The following ZSCAN22 variants were observed in gnomAD, a reference collection of about 807,000 sequenced individuals.
ZSCAN22 encodes zinc finger and SCAN domain containing 22.
A neutral mutation model predicts 12.4 loss-of-function variants in ZSCAN22; 7 were observed. The observed-to-expected ratio is 0.57, with a 90% CI of 0.32 to 1.06. ZSCAN22 has a LOEUF of 1.06. ZSCAN22 is among the 50% of genes least tolerant of loss of function. The pLI, the probability that ZSCAN22 is intolerant of heterozygous loss-of-function variation, is 0.04. For missense variants in ZSCAN22, 576 were observed against 631.7 expected (o/e 0.91, Z 0.94); for synonymous variants, 243 against 255.9 (o/e 0.95, Z 0.48).
chr19:58,334,256 G>T (rs1304560255), intron 1 of ZSCAN22, among the ~76,000 whole-genome samples: 1 of 152,192 alleles, frequency 6.6e-6, no homozygotes, highest in African/African-American at 2.4e-5. Flanking sequence ...CTGAGTGTCT[G>T]TTTTTCCATC....
Position 58,335,211 on chromosome 19 carries a change from G to A in ZSCAN22, c.403+6G>A, listed in dbSNP as rs370480074. On this transcript the variant is annotated splice_donor_region_variant and intron_variant, in intron 2 of 2. Transcript: ENST00000329665. The surrounding 1 kb of genome is among the most constrained non-coding windows in gnomAD (Gnocchi z 4.1). ...TCAGGTGCTGGACAAGAGAGGTAAA[G>A]GGGCGCCGTGGGCAGCTTCACGGCA... 1.3e-6 allele frequency: 2 copies of A among 1,567,610 alleles called. No homozygotes were observed. The highest frequency in any genetic ancestry group is 1.7e-6 in the Non-Finnish European group (2 of 1,155,682).
At chr19:58,328,375 A>G (rs1177935261) in intron 1 of ZSCAN22, among the ~76,000 whole-genome samples, 1 of 152,148 alleles carries the variant, frequency 6.6e-6, no homozygotes, top group Non-Finnish European at 1.5e-5. Context: ...AAACTGAGTG[A>G]CTAGTGGTCA....
rs867640256 is a variant in ZSCAN22 at position 58,335,382 on chromosome 19, C to T, written c.403+177C>T. 1.3e-5 allele frequency among the ~76,000 whole-genome samples: 2 copies of T among 152,138 alleles called. No homozygotes were observed. The highest frequency in any genetic ancestry group is 2.9e-5 in the Non-Finnish European group (2 of 68,028). On this transcript the variant is annotated intron_variant, in intron 2 of 2. Coordinates refer to ENST00000329665, the MANE Select transcript of ZSCAN22 (RefSeq NM_181846.3). This position sits in a 1 kb window ranked among gnomAD's most constrained non-coding sequence, Gnocchi z 4.1. Reference sequence around the variant, plus strand: ...TGTTTTGGTTGCAGGTGACCAAAAGCGAGCTGAAATGGGCTGAAGCAAAGA... The same window carrying T: ...TGTTTTGGTTGCAGGTGACCAAAAGTGAGCTGAAATGGGCTGAAGCAAAGA...
intron 1 of ZSCAN22, among the ~76,000 whole-genome samples, chr19:58,334,157 A>T (rs2051760523): frequency 1.3e-5 from 2 of 152,202 alleles, no homozygotes; most frequent in South Asian, 4.1e-4. Context: ...CACGCCTTAA[A>T]CAGGCTGGCT....
Position 58,338,241 on chromosome 19 carries a change from C to T in ZSCAN22, c.404-13C>T, listed in dbSNP as rs371717783. The T allele has an allele frequency of 2.5e-5, 40 of 1,586,444 alleles. No individual in the cohort carries two copies. The highest frequency in any genetic ancestry group is 3.0e-5 in the Non-Finnish European group (35 of 1,162,120). On this transcript the variant is annotated splice_polypyrimidine_tract_variant and intron_variant, in intron 2 of 2. Transcript: ENST00000329665. The surrounding 1 kb of genome is among the most constrained non-coding windows in gnomAD (Gnocchi z 5.4). ...TGGTAGGAGGAGTGACAGTGTGGTT[C>T]GGACTGTTTCAGGATGGGATCCAGG...
At chr19:58,330,159 G>T (rs552241596) in intron 1 of ZSCAN22, among the ~76,000 whole-genome samples, 28 of 152,222 alleles carry the variant, frequency 1.8e-4, no homozygotes, top group African/African-American at 6.0e-4. Flanking sequence ...GTGTGGTGGT[G>T]GGTGCCTGTA....
At chr19:58,330,101 A>G (rs1568541042) in intron 1 of ZSCAN22, among the ~76,000 whole-genome samples, 3 of 152,176 alleles carry the variant, frequency 2.0e-5, no homozygotes, top group African/African-American at 7.2e-5. Flanking sequence ...ATCGTGGCTA[A>G]TACGGTGAAA....
In ZSCAN22 at chr19:58,338,703, G is replaced by A. The variant is rs1466613536; in HGVS notation, c.853G>A (p.Ala285Thr). The A allele has an allele frequency of 6.2e-7, 1 of 1,614,216 alleles. No homozygotes were observed. The highest frequency in any genetic ancestry group is 1.7e-5 in the Admixed American group (1 of 60,026). The change falls in exon 3 of 3, where the codon GCA (alanine) becomes ACA (threonine). Residue 285 changes from alanine (A) to threonine (T), a missense_variant. By Grantham distance (58) the Ala-to-Thr change is moderately conservative. Transcript: ENST00000329665. The surrounding 1 kb of genome is among the most constrained non-coding windows in gnomAD (Gnocchi z 5.4). Reference protein sequence around the residue: ...KMFQSASALEAHQKTHSRKTP... With the variant: ...KMFQSASALETHQKTHSRKTP... The stretch of plus-strand genomic sequence containing the variant: ...GTTCCAGAGTGCTTCGGCGCTCGAG[G>A]CACACCAGAAGACCCATTCTCGGAA...
rs1037874452 is a variant in ZSCAN22, at chr19:58,339,793, C to G, written c.*467C>G. The G allele has an allele frequency of 6.3e-6, 1 of 158,834 alleles. No individual in the cohort carries two copies. Among genetic ancestry groups the G allele is most frequent in the Admixed American group, 6.1e-5 (1 of 16,302 alleles). 9.8% of individuals were successfully genotyped at this position (158,834 alleles called of 1,614,324 possible). On this transcript the variant is annotated 3_prime_UTR_variant, in exon 3 of 3. Transcript: ENST00000329665. This position sits in a 1 kb window ranked among gnomAD's most constrained non-coding sequence, Gnocchi z 5.6. ...CATGCCCACCTCTGTGCCTTGGCAC[C>G]TACTATTTCCACTCCAGACTATTTT...
Position 58,338,556 on chromosome 19 carries a change from C to T in ZSCAN22, c.706C>T (p.Leu236Phe). 6.2e-7 allele frequency: 1 copy of T among 1,614,226 alleles called. No homozygotes were observed. The highest frequency in any genetic ancestry group is 8.5e-7 in the Non-Finnish European group (1 of 1,180,052). The change falls in exon 3 of 3, where the codon CTC becomes TTC. Residue 236 changes from leucine to phenylalanine, a missense_variant. By Grantham distance (22) the Leu-to-Phe change is conservative. Transcript: ENST00000329665. The surrounding 1 kb of genome is among the most constrained non-coding windows in gnomAD (Gnocchi z 5.4). ...SRNSSSAWPN[L>F]TSQEKPPSED... ...GAACAGTTCTAGTGCGTGGCCAAACCTCACCTCCCAAGAGAAGCCTCCTTC... is the reference window on the plus strand; with the variant it reads ...GAACAGTTCTAGTGCGTGGCCAAACTTCACCTCCCAAGAGAAGCCTCCTTC...
Position 58,338,381 on chromosome 19 carries a change from A to G in ZSCAN22, c.531A>G (p.Ala177=), listed in dbSNP as rs151162243. 112 of 1,614,080 alleles carry G rather than the reference A, an allele frequency of 6.9e-5. No homozygotes were observed. The highest frequency in any genetic ancestry group is 9.1e-5 in the Non-Finnish European group (107 of 1,180,026). ...CCCTTGGACCCGCCTTTGTCAAGGC[A>G]TGTGAACCTGAGGGCAGCTCAGAGA... ...GVSLGPAFVK[A]CEPEGSSERS... is the part of the protein sequence containing the mutation. Residue 177 remains alanine, a synonymous_variant, in exon 3 of 3, where the codon GCA becomes GCG. Coordinates refer to ENST00000329665, the MANE Select transcript of ZSCAN22 (RefSeq NM_181846.3). The surrounding 1 kb of genome is among the most constrained non-coding windows in gnomAD (Gnocchi z 5.4).
At chr19:58,333,894 T>C (rs1230528164) in intron 1 of ZSCAN22, among the ~76,000 whole-genome samples, 1 of 152,178 alleles carries the variant, frequency 6.6e-6, no homozygotes, top group Non-Finnish European at 1.5e-5. Flanking sequence ...GTAGAAATTG[T>C]AACAGAAATT....
rs761038947 is a variant in ZSCAN22 at position 58,339,314 on chromosome 19, G to A, written c.1464G>A (p.Thr488=). Residue 488 remains threonine, a synonymous_variant, in exon 3 of 3, where the codon ACG becomes ACA. Coordinates refer to ENST00000329665, the MANE Select transcript of ZSCAN22 (RefSeq NM_181846.3). This position sits in a 1 kb window ranked among gnomAD's most constrained non-coding sequence, Gnocchi z 5.6. The part of the protein sequence containing the change: ...ALMVHLRIHI[T]VLQ Reference sequence around the variant, plus strand: ...TGGTTCACTTGCGGATCCACATCACGGTGCTGCAATGACCGGAAGTCGCCC... The same window carrying A: ...TGGTTCACTTGCGGATCCACATCACAGTGCTGCAATGACCGGAAGTCGCCC... The A allele has an allele frequency of 1.8e-5, 29 of 1,601,456 alleles. No individual in the cohort carries two copies. Among genetic ancestry groups the A allele is most frequent in the African/African-American group, 8.0e-5 (6 of 74,588 alleles).
In ZSCAN22 at chr19:58,329,684, G is replaced by T. The variant is rs545479521; in HGVS notation, c.-52+2570G>T. Among the ~76,000 whole-genome samples, 9 of 152,250 alleles carry T rather than the reference G, an allele frequency of 5.9e-5. No homozygotes were observed. In the South Asian group the frequency reaches 1.9e-3, roughly 32 times the overall value. ...ACATTAATATAGCTTTTATTACAGT[G>T]TATTGTTATAATTGTTCTATTTTAT... On this transcript the variant is annotated intron_variant, in intron 1 of 2. Transcript: ENST00000329665. This position sits in a 1 kb window ranked among gnomAD's most constrained non-coding sequence, Gnocchi z 4.1.
At chr19:58,330,648 T>A (rs926429406) in intron 1 of ZSCAN22, among the ~76,000 whole-genome samples, 2 of 152,162 alleles carry the variant, frequency 1.3e-5, no homozygotes, top group African/African-American at 4.8e-5. Flanking sequence ...TTTCCCCAAC[T>A]TGGAAAATGG....
In ZSCAN22 at chr19:58,335,026, G is replaced by A. The variant is rs747719728; in HGVS notation, c.224G>A (p.Cys75Tyr). The A allele has an allele frequency of 6.2e-7, 1 of 1,614,102 alleles. No individual in the cohort carries two copies. Among genetic ancestry groups the A allele is most frequent in the Non-Finnish European group, 8.5e-7 (1 of 1,180,040 alleles). Reference protein sequence around the residue: ...EALAHLRALCCQWLQPEAHSK... With the variant: ...EALAHLRALCYQWLQPEAHSK... The stretch of plus-strand genomic sequence containing the variant: ...CTGGCCCACCTCCGAGCGCTGTGCT[G>A]TCAGTGGCTGCAGCCCGAGGCGCAC... The change falls in exon 2 of 3, where the codon TGT becomes TAT. Residue 75 changes from cysteine to tyrosine, a missense_variant. Cys to Tyr is a radical substitution (Grantham distance 194). Coordinates refer to ENST00000329665, the MANE Select transcript of ZSCAN22 (RefSeq NM_181846.3). This position sits in a 1 kb window ranked among gnomAD's most constrained non-coding sequence, Gnocchi z 4.1.
Position 58,341,405 on chromosome 19 carries a change from A to G in ZSCAN22, c.*2079A>G, listed in dbSNP as rs1810022633. On this transcript the variant is annotated 3_prime_UTR_variant, in exon 3 of 3. Coordinates refer to ENST00000329665, the MANE Select transcript of ZSCAN22 (RefSeq NM_181846.3). ...TTCTGTTCATTACTGTTAGTGTATC[A>G]TTCTTCATGCCTCTGTTTCTGTGAT... 1 of 152,054 alleles carries G rather than the reference A, an allele frequency of 6.6e-6. No homozygotes were observed. Among genetic ancestry groups the G allele is most frequent in the African/African-American group, 2.4e-5 (1 of 41,424 alleles). 9.4% of individuals were successfully genotyped at this position (152,054 alleles called of 1,614,324 possible).
chr19:58,334,440 C>A (rs924242810), intron 1 of ZSCAN22, among the ~76,000 whole-genome samples: 8 of 152,180 alleles, frequency 5.3e-5, no homozygotes, highest in African/African-American at 1.9e-4. Flanking sequence ...CCTCAGCCTC[C>A]TGAGTAGCTG....
At chr19:58,333,076 C>T (rs1199371765) in intron 1 of ZSCAN22, among the ~76,000 whole-genome samples, 1 of 152,118 alleles carries the variant, frequency 6.6e-6, no homozygotes, top group Non-Finnish European at 1.5e-5. Context: ...TATTTATTGC[C>T]CATTTGTGTA....
Sources: allele counts gnomAD v4.1 joint callset (sites outside exome capture counted in the v4.1 genomes callset), GRCh38; gene constraint gnomAD v4.1.1; non-coding constraint Gnocchi (gnomAD v3.1); transcripts MANE v1.5; gene names NCBI Gene and HGNC (gene_info 2026-07-23, HGNC 2026-07-21).